The following IFT46 variants were observed in gnomAD, a reference collection of about 807,000 sequenced individuals.
IFT46 encodes intraflagellar transport protein 46 homolog.
Under a neutral mutation model 39.6 loss-of-function variants are expected in IFT46, and 19 were observed. That is an observed-to-expected ratio of 0.48 (90% confidence interval 0.33 to 0.70). The LOEUF is 0.70. IFT46 is among the 30% of genes least tolerant of loss of function. The pLI is 0.01. For synonymous variants in IFT46, 117 were observed against 134.8 expected, an observed-to-expected ratio of 0.87 and a Z score of 0.91; for missense variants, 334 against 364.8, an observed-to-expected ratio of 0.92 and a Z score of 0.69.
chr11:118,574,204 A>G (rs1938427771), upstream of IFT46, among the ~76,000 whole-genome samples: 1 of 152,262 alleles, frequency 6.6e-6, no homozygotes, highest in Middle Eastern at 3.4e-3. Flanking sequence ...CCAGATACCC[A>G]CAGATTTGTG....
chr11:118,550,148 G>T (rs781976860), intron 9 of IFT46, among the ~76,000 whole-genome samples: 1 of 151,744 alleles, frequency 6.6e-6, no homozygotes, highest in Non-Finnish European at 1.5e-5. Flanking sequence ...TGTTGGCCAG[G>T]CTGGTCTCAA....
intron 1 of IFT46, among the ~76,000 whole-genome samples, chr11:118,571,514 C>T (rs1938335194): frequency 6.6e-6 from 1 of 152,172 alleles, no homozygotes; most frequent in Non-Finnish European, 1.5e-5. Context: ...AAACTCTTTT[C>T]CAACGTGGCT....
upstream of IFT46, among the ~76,000 whole-genome samples, chr11:118,567,244 C>T (rs1937497748): frequency 6.6e-6 from 1 of 151,742 alleles, no homozygotes; most frequent in Non-Finnish European, 1.5e-5. Context: ...GGCAACAGAT[C>T]AAGACCCCAT....
chr11:118,571,542 T>C (rs1411307856), intron 1 of IFT46, among the ~76,000 whole-genome samples: 1 of 152,240 alleles, frequency 6.6e-6, no homozygotes, highest in Non-Finnish European at 1.5e-5. Context: ...TTTACATTCA[T>C]CCTCACCAAC....
At chr11:118,576,618 C>CA (rs1185938082), upstream of IFT46, among the ~76,000 whole-genome samples, 7 of 152,120 alleles carry the variant, frequency 4.6e-5, no homozygotes, top group East Asian at 1.4e-3. Flanking sequence ...TTTAAGAAGA[C>CA]AAATGTTAAT....
In IFT46 at chr11:118,547,078, A is replaced by T. The variant is rs896456417; in HGVS notation, c.673-1225T>A. 3 of 152,220 alleles carry T rather than the reference A, an allele frequency of 2.0e-5. No individual in the cohort carries two copies. The East Asian group carries it at 5.8e-4, about 29-fold the overall frequency. 9.4% of individuals were successfully genotyped at this position (152,220 alleles called of 1,614,324 possible). On this transcript the variant is annotated intron_variant, in intron 9 of 11. Transcript: ENST00000264021. ...ATTCCATTGCATAGTATTTCACTGA[A>T]TGGATGTACTGCAACCTAGCTATTC...
At chr11:118,547,175 T>G (rs1400606604) in intron 9 of IFT46, 1 of 152,230 alleles carries the variant, frequency 6.6e-6, no homozygotes, top group African/African-American at 2.4e-5. Flanking sequence ...TGTTTCCAAA[T>G]TCTGTGTGTT....
chr11:118,576,195 T>G (rs1555073517), upstream of IFT46, among the ~76,000 whole-genome samples: 2 of 152,058 alleles, frequency 1.3e-5, no homozygotes, highest in African/African-American at 4.8e-5. Context: ...ATTCATGTAG[T>G]TAAGTCTGTG....
chr11:118,560,644 CG>C (rs1164797734), intron 2 of IFT46: 1 of 497,234 alleles, frequency 2.0e-6, no homozygotes, highest in Non-Finnish European at 3.7e-6. Flanking sequence ...ACTGCTGGGC[CG>C]GCAGGTCTCT....
intron 9 of IFT46, among the ~76,000 whole-genome samples, chr11:118,549,364 T>C (rs144234034): frequency 2.6e-4 from 39 of 151,924 alleles, no homozygotes; most frequent in African/African-American, 9.4e-4. Flanking sequence ...CTTATTGATA[T>C]ATAAGAGCTC....
intron 9 of IFT46, 29 bp downstream of exon 9, chr11:118,551,757 T>C: frequency 6.3e-7 from 1 of 1,579,142 alleles, no homozygotes; most frequent in African/African-American, 1.3e-5. Flanking sequence ...TGTACTTTCT[T>C]ACCCTACCTC....
chr11:118,572,347 C>CCG, intron 1 of IFT46: 1 of 138,232 alleles, frequency 7.2e-6, no homozygotes, highest in South Asian at 1.9e-4. Context: ...CCACAGGCCC[C>CCG]GCCCCCCCCC....
intron 7 of IFT46, 67 bp from the exon 8 acceptor site, chr11:118,552,402 A>T: frequency 1.3e-6 from 2 of 1,568,442 alleles, no homozygotes; most frequent in Non-Finnish European, 1.7e-6. Flanking sequence ...ACAGTGTCTC[A>T]TTATATCTGC....
intron 3 of IFT46, among the ~76,000 whole-genome samples, chr11:118,559,458 T>C (rs1217795205): frequency 6.6e-6 from 1 of 152,216 alleles, no homozygotes; most frequent in Non-Finnish European, 1.5e-5. Flanking sequence ...TCCCAGGCTT[T>C]TACTTTTGAG....
intron 9 of IFT46, 88 bp downstream of exon 9, chr11:118,551,693 TACCAA>T: frequency 2.3e-6 from 2 of 855,264 alleles, no homozygotes; most frequent in Non-Finnish European, 3.7e-6. Flanking sequence ...AAAAAAAAGT[TACCAA>T]TAATAATAAT....
chr11:118,574,726 A>G (rs1462941770), upstream of IFT46, among the ~76,000 whole-genome samples: 1 of 152,050 alleles, frequency 6.6e-6, no homozygotes, highest in Admixed American at 6.6e-5. Context: ...TGACTTCATC[A>G]TAAAATAAAG....
At chr11:118,545,296 A>G (rs1460334194) in intron 11 of IFT46, 113 bp downstream of exon 11, 27 of 841,564 alleles carry the variant, frequency 3.2e-5, no homozygotes, top group Non-Finnish European at 5.1e-5. Context: ...GGCGAAGGTA[A>G]CTGGGCAGAG....
chr11:118,546,440 G>C (rs893082025), intron 9 of IFT46: 7 of 392,960 alleles, frequency 1.8e-5, no homozygotes, highest in Non-Finnish European at 2.8e-5. Context: ...GCAGTGAGCT[G>C]AGATTGAGCT....
upstream of IFT46, among the ~76,000 whole-genome samples, chr11:118,568,722 A>G (rs1044816966): frequency 1.3e-5 from 2 of 150,056 alleles, no homozygotes; most frequent in African/African-American, 2.4e-5. Context: ...GCTGGAATAC[A>G]GTGACGAGAC....
Sources: allele counts gnomAD v4.1 joint callset (sites outside exome capture counted in the v4.1 genomes callset), GRCh38; gene constraint gnomAD v4.1.1; transcripts MANE v1.5; gene names NCBI Gene and HGNC (gene_info 2026-07-23, HGNC 2026-07-21).